The following NOL4 variants were observed in gnomAD, a reference collection of about 807,000 sequenced individuals.
NOL4 encodes the protein nucleolar protein 4.
Under a neutral mutation model 75.9 loss-of-function variants are expected in NOL4, and 17 were observed. The ratio of observed to expected loss-of-function variants is 0.22; its 90% confidence interval spans 0.15 to 0.34. The LOEUF (loss-of-function observed/expected upper bound fraction) is 0.34, where lower values mean the gene tolerates loss of function less well. Among genes scored for constraint, NOL4 ranks in the 10% least tolerant of loss-of-function variants. The pLI is 1.00. For synonymous variants in NOL4, 292 were observed against 289.9 expected, an observed-to-expected ratio of 1.01 and a Z score of -0.07; for missense variants, 614 against 793.5, an observed-to-expected ratio of 0.77 and a Z score of 2.72.
chr18:33,969,421 A>C (rs1262141229), intron 6 of NOL4, among the ~76,000 whole-genome samples: 1 of 152,176 alleles, frequency 6.6e-6, no homozygotes, highest in African/African-American at 2.4e-5. Flanking sequence ...TGTATTAAAT[A>C]AATAGACAAC....
intron 2 of NOL4, among the ~76,000 whole-genome samples, chr18:34,125,878 C>T (rs543032070): frequency 6.6e-6 from 1 of 151,870 alleles, no homozygotes; most frequent in South Asian, 2.1e-4. Context: ...CAGGAGAGCT[C>T]CTAAACACAA....
intron 6 of NOL4, among the ~76,000 whole-genome samples, chr18:33,988,399 A>G (rs2072638136): frequency 6.6e-6 from 1 of 152,092 alleles, no homozygotes; most frequent in South Asian, 2.1e-4. Context: ...ATAAAAAGAT[A>G]CTTGAGACCT....
At chr18:33,995,835 G>A (rs181614823) in intron 6 of NOL4, among the ~76,000 whole-genome samples, 34 of 148,362 alleles carry the variant, frequency 2.3e-4, no homozygotes, top group African/African-American at 4.5e-4. Flanking sequence ...TTGGCTTTAC[G>A]TCCTAGAATA....
At chr18:34,027,326 T>G (rs542885204) in intron 5 of NOL4, among the ~76,000 whole-genome samples, 1 of 152,102 alleles carries the variant, frequency 6.6e-6, no homozygotes, top group African/African-American at 2.4e-5. Context: ...AATCATGGGA[T>G]TAGCAATAAA....
At chr18:33,930,824 G>GGT (rs1235037412) in intron 9 of NOL4, among the ~76,000 whole-genome samples, 12 of 152,106 alleles carry the variant, frequency 7.9e-5, no homozygotes, top group African/African-American at 2.9e-4. Context: ...TGTATATCAG[G>GGT]AGACAACTTA....
At chr18:34,054,579 A>T (rs1213464832) in intron 5 of NOL4, among the ~76,000 whole-genome samples, 2 of 151,822 alleles carry the variant, frequency 1.3e-5, no homozygotes, top group African/African-American at 4.8e-5. Flanking sequence ...TGTGACTCTC[A>T]GCCTATGTGT....
At chr18:33,893,499 A>T (rs1319087003) in intron 9 of NOL4, among the ~76,000 whole-genome samples, 1 of 152,172 alleles carries the variant, frequency 6.6e-6, no homozygotes, top group African/African-American at 2.4e-5. Context: ...TTATAAAATG[A>T]AGTTTCATTG....
At chr18:34,214,346 T>C (rs960858023) in intron 1 of NOL4, among the ~76,000 whole-genome samples, 2 of 150,000 alleles carry the variant, frequency 1.3e-5, no homozygotes, top group African/African-American at 5.0e-5. Context: ...TAGAGTGTTA[T>C]ATAGATGTAG....
At chr18:34,077,303 C>G (rs969606262) in intron 5 of NOL4, among the ~76,000 whole-genome samples, 16 of 151,696 alleles carry the variant, frequency 1.1e-4, no homozygotes, top group African/African-American at 3.9e-4. Context: ...GTGAGACTGT[C>G]TCAAAAAACA....
chr18:33,980,354 C>A (rs146408117), intron 6 of NOL4, among the ~76,000 whole-genome samples: 298 of 152,140 alleles, frequency 2.0e-3, no homozygotes, highest in Non-Finnish European at 3.4e-3. Context: ...GCTTTTACCT[C>A]CAAGAATTTC....
intron 9 of NOL4, among the ~76,000 whole-genome samples, chr18:33,941,010 C>T (rs1315544972): frequency 6.6e-6 from 1 of 152,002 alleles, no homozygotes; most frequent in East Asian, 1.9e-4. Flanking sequence ...TGATAAATCT[C>T]TGACAGTAGG....
Position 33,894,312 on chromosome 18 carries a change from T to G in NOL4, c.1543-10888A>C, listed in dbSNP as rs558859401. Among the ~76,000 whole-genome samples, 4 of 152,232 alleles carry G rather than the reference T, an allele frequency of 2.6e-5. No homozygotes were observed. The South Asian group carries it at 8.3e-4, about 32-fold the overall frequency. On this transcript the variant is annotated intron_variant, in intron 9 of 10. Transcript: ENST00000261592. The stretch of plus-strand genomic sequence containing the variant: ...TAGGATGTTGAGAAGTGATTTTTGA[T>G]GGCATCAACAAAACACACTCAGATA...
At chr18:34,045,984 T>C (rs2076346604) in intron 5 of NOL4, among the ~76,000 whole-genome samples, 1 of 152,292 alleles carries the variant, frequency 6.6e-6, no homozygotes, top group South Asian at 2.1e-4. Flanking sequence ...TAACAGACCA[T>C]TATACCATTA....
chr18:33,853,762 A>T (rs1231764173), intron 10 of NOL4, among the ~76,000 whole-genome samples: 1 of 152,088 alleles, frequency 6.6e-6, no homozygotes, highest in African/African-American at 2.4e-5. Context: ...GTGTTTAGGA[A>T]TTTAATGTCA....
At chr18:33,926,512 A>C (rs2067340845) in intron 9 of NOL4, among the ~76,000 whole-genome samples, 1 of 152,214 alleles carries the variant, frequency 6.6e-6, no homozygotes, top group Admixed American at 6.5e-5. Context: ...TATGTAGCAA[A>C]GATAAAGAAA....
intron 4 of NOL4, among the ~76,000 whole-genome samples, chr18:34,094,330 C>T (rs1306303159): frequency 6.6e-6 from 1 of 151,972 alleles, no homozygotes; most frequent in Non-Finnish European, 1.5e-5. Context: ...GTTCAAAGTC[C>T]ACATGTAATG....
chr18:34,078,348 G>A lies in NOL4; in HGVS notation c.772+15117C>T, dbSNP rs146581086. 1.6e-3 allele frequency among the ~76,000 whole-genome samples: 239 copies of A among 152,168 alleles called. 2 individuals carry two copies. The highest frequency in any genetic ancestry group is 5.5e-3 in the African/African-American group (229 of 41,518). On this transcript the variant is annotated intron_variant, in intron 5 of 10. Coordinates refer to ENST00000261592, the MANE Select transcript of NOL4 (RefSeq NM_003787.5). ...TTAAATTTAAGTAATTGTTATTGAA[G>A]GATGACTTTTCACCTTTATTAGTAA...
chr18:34,216,161 T>A (rs1327770167), intron 1 of NOL4, among the ~76,000 whole-genome samples: 1 of 152,162 alleles, frequency 6.6e-6, no homozygotes, highest in East Asian at 1.9e-4. Flanking sequence ...GGGGCACAGT[T>A]ACGCAGGACA....
intron 5 of NOL4, among the ~76,000 whole-genome samples, chr18:34,036,381 G>A (rs1270088194): frequency 6.6e-6 from 1 of 151,916 alleles, no homozygotes; most frequent in East Asian, 1.9e-4. Flanking sequence ...AACAACAGAT[G>A]CCGAAAAAGC....
Sources: allele counts gnomAD v4.1 joint callset (sites outside exome capture counted in the v4.1 genomes callset), GRCh38; gene constraint gnomAD v4.1.1; transcripts MANE v1.5; gene names NCBI Gene and HGNC (gene_info 2026-07-23, HGNC 2026-07-21).